The following MLLT10 variants were observed in gnomAD, a reference collection of about 807,000 sequenced individuals.
MLLT10 encodes MLLT10 histone lysine methyltransferase DOT1L cofactor.
A neutral mutation model predicts 129.1 loss-of-function variants in MLLT10; 30 were observed. That is an observed-to-expected ratio of 0.23 (90% CI 0.17 to 0.32). The LOEUF (loss-of-function observed/expected upper bound fraction) is 0.32, where lower values mean the gene tolerates loss of function less well. MLLT10 is among the 10% of genes least tolerant of loss of function. The pLI is 1.00. For synonymous variants in MLLT10, 490 were observed against 446.4 expected (o/e 1.10, Z -1.23); for missense variants, 1,119 against 1,268.3 (o/e 0.88, Z 1.79).
chr10:21,713,204 G>T (rs879769972), intron 13 of MLLT10, among the ~76,000 whole-genome samples: 1 of 152,084 alleles, frequency 6.6e-6, no homozygotes, highest in African/African-American at 2.4e-5. Flanking sequence ...CTGTGTTATC[G>T]CTGGAATGTC....
chr10:21,638,165 G>A (rs757379598), intron 8 of MLLT10, among the ~76,000 whole-genome samples: 4 of 149,144 alleles, frequency 2.7e-5, no homozygotes, highest in East Asian at 2.0e-4. Flanking sequence ...ATAATACAGG[G>A]GATGGCAAAC....
chr10:21,685,763 G>C (rs760045285), intron 13 of MLLT10, among the ~76,000 whole-genome samples: 2 of 152,122 alleles, frequency 1.3e-5, no homozygotes, highest in African/African-American at 2.4e-5. Flanking sequence ...AAAGAAACAA[G>C]ACAGTCCAAT....
intron 9 of MLLT10, among the ~76,000 whole-genome samples, chr10:21,656,701 CT>C (rs1434667596): frequency 1.3e-5 from 2 of 152,218 alleles, no homozygotes; most frequent in Non-Finnish European, 2.9e-5. Context: ...TCACTATCAC[CT>C]TTTAAATATT....
rs370150572 is a variant in MLLT10, at chr10:21,734,040, T to A, written c.2769T>A (p.Pro923=). The change falls in exon 20 of 23, where the codon CCT becomes CCA. Residue 923 remains proline (P), a synonymous_variant. Coordinates refer to ENST00000307729, the MANE Select transcript of MLLT10 (RefSeq NM_001195626.3). ...VGALNGVMQT[P]VTMSQNPTPL... ...CTTTAAATGGGGTTATGCAGACTCC[T>A]GTCACAATGTCCCAGAACCCTACCC... 1 of 1,614,194 alleles carries A rather than the reference T, an allele frequency of 6.2e-7. No individual in the cohort carries two copies. The highest frequency in any genetic ancestry group is 8.5e-7 in the Non-Finnish European group (1 of 1,180,022).
At chr10:21,641,710 T>A (rs995723530) in intron 8 of MLLT10, among the ~76,000 whole-genome samples, 1 of 152,178 alleles carries the variant, frequency 6.6e-6, no homozygotes, top group Admixed American at 6.5e-5. Flanking sequence ...CCTTTAAGTT[T>A]AATAATAGAA....
At chr10:21,557,241 G>A in intron 3 of MLLT10, 3 of 974,384 alleles carry the variant, frequency 3.1e-6, no homozygotes, top group Non-Finnish European at 3.9e-6. Flanking sequence ...TTATAACTCA[G>A]TTATTATAAG....
rs961852109 is a variant in MLLT10 at position 21,743,192 on chromosome 10, G to C, written c.*1209G>C. On this transcript the variant is annotated 3_prime_UTR_variant, in exon 23 of 23. Transcript: ENST00000307729. Reference sequence around the variant, plus strand: ...TGGTGTGTGAATTATTAGTGGAAAAGACCCAGCTGTAATTAGACCTCCACT... The same window carrying C: ...TGGTGTGTGAATTATTAGTGGAAAACACCCAGCTGTAATTAGACCTCCACT... 8.7e-6 allele frequency: 2 copies of C among 228,950 alleles called. No individual in the cohort carries two copies. The highest frequency in any genetic ancestry group is 4.4e-5 in the African/African-American group (2 of 45,072). The allele number at this position is 228,950 out of a possible 1,614,324, so 14.2% of individuals were successfully genotyped here.
chr10:21,708,558 T>G (rs1190929345), intron 13 of MLLT10: 2 of 984,224 alleles, frequency 2.0e-6, no homozygotes, highest in Non-Finnish European at 1.2e-6. Flanking sequence ...TTGCTCTGTT[T>G]TTTTTGTGTG....
chr10:21,629,811 A>G (rs2046835002), intron 8 of MLLT10, among the ~76,000 whole-genome samples: 1 of 152,180 alleles, frequency 6.6e-6, no homozygotes. Flanking sequence ...TTAACTCTTA[A>G]GAATCTCAGA....
intron 14 of MLLT10, among the ~76,000 whole-genome samples, chr10:21,721,039 C>T (rs1025649747): frequency 6.6e-6 from 1 of 152,030 alleles, no homozygotes; most frequent in Admixed American, 6.6e-5. Flanking sequence ...AAAGTATATA[C>T]GAATTAGGAA....
intron 11 of MLLT10, among the ~76,000 whole-genome samples, chr10:21,675,474 GCTCA>G (rs2051993834): frequency 1.3e-5 from 2 of 152,172 alleles, no homozygotes; most frequent in Admixed American, 1.3e-4. Context: ...TCTGGTTGAG[GCTCA>G]CTATTTTAGA....
At chr10:21,554,449 A>G (rs552547838) in intron 3 of MLLT10, among the ~76,000 whole-genome samples, 9 of 149,036 alleles carry the variant, frequency 6.0e-5, no homozygotes, top group Non-Finnish European at 1.2e-4. Context: ...GCCCTCCTTC[A>G]CTTAAATTTT....
intron 22 of MLLT10, 131 bp downstream of exon 22, chr10:21,740,367 T>C (rs767432584): frequency 8.1e-5 from 78 of 967,770 alleles, no homozygotes; most frequent in Non-Finnish European, 1.0e-4. Flanking sequence ...AGCAGATGGA[T>C]ATTATAGGCA....
At chr10:21,625,405 G>A (rs1035742381) in intron 8 of MLLT10, 15 of 815,974 alleles carry the variant, frequency 1.8e-5, no homozygotes, top group South Asian at 1.3e-4. Flanking sequence ...CCAATATTTC[G>A]TCTGTGCCCA....
upstream of MLLT10, among the ~76,000 whole-genome samples, chr10:21,533,999 G>A (rs1425251245): frequency 6.6e-6 from 1 of 151,932 alleles, no homozygotes; most frequent in Non-Finnish European, 1.5e-5. Context: ...TGCAGAGGGC[G>A]GCCCTAACGT....
chr10:21,615,484 A>T (rs1022474593), intron 7 of MLLT10, among the ~76,000 whole-genome samples: 1 of 150,924 alleles, frequency 6.6e-6, no homozygotes, highest in Non-Finnish European at 1.5e-5. Context: ...AGAAAAAAAA[A>T]AAGAAAATAT....
intron 9 of MLLT10, among the ~76,000 whole-genome samples, chr10:21,653,001 T>C (rs2131326862): frequency 6.6e-6 from 1 of 152,308 alleles, no homozygotes; most frequent in East Asian, 1.9e-4. Context: ...AGAGTCACTG[T>C]TAACAAAGAG....
At position 21,742,362 on chromosome 10, in the gene MLLT10, C is replaced by CAAACT. The variant is rs1564768119; in HGVS notation, c.*381_*385dup. The CAAACT allele has an allele frequency of 1.2e-5, 3 of 242,654 alleles. No individual in the cohort carries two copies. Among genetic ancestry groups the CAAACT allele is most frequent in the Non-Finnish European group, 2.4e-5 (3 of 125,302 alleles). The allele number at this position is 242,654 out of a possible 1,614,324, so 15.0% of individuals were successfully genotyped here. On this transcript the variant is annotated 3_prime_UTR_variant, in exon 23 of 23. Transcript: ENST00000307729. ...CAAAACTAAATACTTGCTCCATTTA[C>CAAACT]AAACTACTTGATTTTATTGTACAAG... is the stretch of plus-strand genomic sequence containing the variant.
At position 21,570,235 on chromosome 10, in the gene MLLT10, T is replaced by C. The variant is rs565220742; in HGVS notation, c.241-16059T>C. ...ATTTGTGTGTGTGTGTGTGTGTGTG[T>C]GCGCGCGTGTGTGTGTGTTTAGAGA... is the stretch of plus-strand genomic sequence containing the variant. On this transcript the variant is annotated intron_variant, in intron 3 of 22. Coordinates refer to ENST00000307729, the MANE Select transcript of MLLT10 (RefSeq NM_001195626.3). Among the ~76,000 whole-genome samples the C allele has an allele frequency of 3.6e-3, 530 of 149,028 alleles. 4 individuals are homozygous for C. The highest frequency in any genetic ancestry group is 8.6e-3 in the African/African-American group (344 of 40,222).
Sources: allele counts gnomAD v4.1 joint callset (sites outside exome capture counted in the v4.1 genomes callset), GRCh38; gene constraint gnomAD v4.1.1; transcripts MANE v1.5; gene names NCBI Gene and HGNC (gene_info 2026-07-23, HGNC 2026-07-21).